The following DMBX1 variants were observed in gnomAD, a reference collection of about 807,000 sequenced individuals.
DMBX1 encodes diencephalon/mesencephalon homeobox protein 1.
DMBX1 carries 7 observed loss-of-function variants against 30.4 expected under a neutral mutation model. That is an observed-to-expected ratio of 0.23 (90% CI 0.13 to 0.43). The LOEUF (loss-of-function observed/expected upper bound fraction) is 0.43, where lower values mean the gene tolerates loss of function less well. DMBX1 is among the 20% of genes least tolerant of loss of function. DMBX1 has a pLI of 1.00. For synonymous variants in DMBX1, 222 were observed against 214.2 expected (o/e 1.04, Z -0.32); for missense variants, 460 against 508.5 (o/e 0.90, Z 0.92).
intron 2 of DMBX1, among the ~76,000 whole-genome samples, chr1:46,494,804 A>G (rs1665998528): frequency 6.6e-6 from 1 of 152,108 alleles, no homozygotes; most frequent in Admixed American, 6.5e-5. Context: ...GGGGGCCCTC[A>G]GTGGAGATGA....
Position 46,510,851 on chromosome 1 carries a change from G to A in DMBX1, c.334-84G>A, listed in dbSNP as rs145881278. On this transcript the variant is annotated intron_variant, in intron 4 of 5. Coordinates refer to ENST00000360032, the MANE Select transcript of DMBX1 (RefSeq NM_172225.2). The surrounding 1 kb of genome is among the most constrained non-coding windows in gnomAD (Gnocchi z 4.1). ...TAGAGGGGTGGGGGGATGTTATCAC[G>A]TACATCCTCTCCCAGAGCACCCTGC... The A allele has an allele frequency of 8.0e-3, 11,218 of 1,402,034 alleles. 94 individuals are homozygous for A. The highest frequency in any genetic ancestry group is 0.014 in the Middle Eastern group (71 of 4,912). 86.8% of individuals were successfully genotyped at this position (1,402,034 alleles called of 1,614,324 possible).
In DMBX1 at chr1:46,512,305, C is replaced by T; in HGVS notation, c.945C>T (p.Tyr315=). ...APLGSLHCQS[Y]YQSLSAAAAA... ...TGGGCTCACTGCACTGCCAGTCCTA[C>T]TACCAGTCCCTGTCAGCAGCCGCTG... The change falls in exon 6 of 6, where the codon TAC becomes TAT. Residue 315 remains tyrosine (Y), a synonymous_variant. Coordinates refer to ENST00000360032, the MANE Select transcript of DMBX1 (RefSeq NM_172225.2). The surrounding 1 kb of genome is among the most constrained non-coding windows in gnomAD (Gnocchi z 4.8). 1 of 1,613,672 alleles carries T rather than the reference C, an allele frequency of 6.2e-7. No homozygotes were observed. Among genetic ancestry groups the T allele is most frequent in the South Asian group, 1.1e-5 (1 of 91,086 alleles).
intron 2 of DMBX1, among the ~76,000 whole-genome samples, chr1:46,496,704 C>T (rs867739802): frequency 1.3e-5 from 2 of 152,166 alleles, no homozygotes; most frequent in African/African-American, 2.4e-5. Context: ...CTCCTTCACA[C>T]GTGGCTGGCC....
chr1:46,515,307 G>C lies in DMBX1; in HGVS notation c.*2813G>C, dbSNP rs920611551. Among the ~76,000 whole-genome samples the C allele has an allele frequency of 1.3e-5, 2 of 152,134 alleles. No homozygotes were observed. Among genetic ancestry groups the C allele is most frequent in the Admixed American group, 1.3e-4 (2 of 15,278 alleles). ...GATAGGTATGGGAAGCTTCCTAGCT[G>C]CTTTTAGGCTGAAGCTTTTTGTCAG... On this transcript the variant is annotated 3_prime_UTR_variant, in exon 6 of 6. Transcript: ENST00000360032.
At chr1:46,507,468 G>A (rs1462430373) in intron 3 of DMBX1, among the ~76,000 whole-genome samples, 2 of 152,186 alleles carry the variant, frequency 1.3e-5, no homozygotes, top group Non-Finnish European at 2.9e-5. Flanking sequence ...AGGTAGGAGG[G>A]TAAGGGACTA....
chr1:46,511,996 C>CA (rs1557791119), intron 5 of DMBX1, 47 bp from the exon 6 acceptor site: 1 of 1,562,650 alleles, frequency 6.4e-7, no homozygotes, highest in Admixed American at 1.8e-5. Context: ...CCTGGCAGAC[C>CA]AATGCCCTTG....
chr1:46,501,243 TTTCTTTCTTTCTTTCTTTCTTTCTTTCTC>T (rs1666126749), intron 2 of DMBX1, among the ~76,000 whole-genome samples: 1 of 135,036 alleles, frequency 7.4e-6, no homozygotes. Context: ...TCTTTCTTTC[TTTCTTTCTTTCTTTCTTTCTTTCTTTCTC>T]TTCTTTCTTT....
At chr1:46,490,312 C>T (rs533571696) in intron 1 of DMBX1, among the ~76,000 whole-genome samples, 5 of 152,178 alleles carry the variant, frequency 3.3e-5, no homozygotes, top group African/African-American at 1.2e-4. Flanking sequence ...GAGAACGCTT[C>T]GGATCCGTCA....
At position 46,515,255 on chromosome 1, in the gene DMBX1, G is replaced by T. The variant is rs1569904509; in HGVS notation, c.*2761G>T. On this transcript the variant is annotated 3_prime_UTR_variant, in exon 6 of 6. Transcript: ENST00000360032. ...TCTGGGATTAGCCCCAGGAAGTTCT[G>T]TTTCTAAAACAAAAAATAATCATCT... 6.6e-6 allele frequency among the ~76,000 whole-genome samples: 1 copy of T among 151,634 alleles called. No individual in the cohort carries two copies. The highest frequency in any genetic ancestry group is 1.5e-5 in the Non-Finnish European group (1 of 67,898).
chr1:46,512,237 G>T lies in DMBX1; in HGVS notation c.877G>T (p.Ala293Ser). 6.2e-7 allele frequency: 1 copy of T among 1,613,736 alleles called. No homozygotes were observed. Among genetic ancestry groups the T allele is most frequent in the Non-Finnish European group, 8.5e-7 (1 of 1,179,926 alleles). ...GGGTCCGGCCCCTGCTGCTGCAGCG[G>T]CGGCTGCTGCTGTGCCCTACCTGGG... ...VGGPAPAAAA[A>S]AAAVPYLGVN... The change falls in exon 6 of 6, where the codon GCG becomes TCG. Residue 293 changes from alanine to serine, a missense_variant. Ala to Ser is a moderately conservative substitution (Grantham distance 99). Coordinates refer to ENST00000360032, the MANE Select transcript of DMBX1 (RefSeq NM_172225.2). This position sits in a 1 kb window ranked among gnomAD's most constrained non-coding sequence, Gnocchi z 4.8.
intron 2 of DMBX1, among the ~76,000 whole-genome samples, chr1:46,500,805 T>C (rs1464909908): frequency 1.3e-5 from 2 of 152,198 alleles, no homozygotes; most frequent in Non-Finnish European, 2.9e-5. Context: ...TAAATTGCGG[T>C]GCTGTAGTCC....
chr1:46,512,280 T>G lies in DMBX1; in HGVS notation c.920T>G (p.Leu307Arg). ...VPYLGVNMAP[L>R]GSLHCQSYYQ... ...TACCTGGGCGTCAACATGGCCCCGC[T>G]GGGCTCACTGCACTGCCAGTCCTAC... The change falls in exon 6 of 6, where the codon CTG (leucine) becomes CGG (arginine). Residue 307 changes from leucine to arginine, a missense_variant. Around this residue, in one of 3 missense-constraint regions of DMBX1, gnomAD observed 334 missense variants for 345.1 expected, o/e 0.97. Coordinates refer to ENST00000360032, the MANE Select transcript of DMBX1 (RefSeq NM_172225.2). This position sits in a 1 kb window ranked among gnomAD's most constrained non-coding sequence, Gnocchi z 4.8. 1 of 1,613,540 alleles carries G rather than the reference T, an allele frequency of 6.2e-7. No homozygotes were observed. The highest frequency in any genetic ancestry group is 8.5e-7 in the Non-Finnish European group (1 of 1,179,864).
rs150752861 is a variant in DMBX1 at position 46,512,278 on chromosome 1, G to A, written c.918G>A (p.Pro306=). 1.5e-4 allele frequency: 237 copies of A among 1,613,300 alleles called. 1 individual carries two copies. In the African/African-American group the frequency reaches 1.7e-3, roughly 12 times the overall value. ...AVPYLGVNMA[P]LGSLHCQSYY... The stretch of plus-strand genomic sequence containing the variant: ...CCTACCTGGGCGTCAACATGGCCCC[G>A]CTGGGCTCACTGCACTGCCAGTCCT... The change falls in exon 6 of 6, where the codon CCG becomes CCA. Residue 306 remains proline (P), a synonymous_variant. Coordinates refer to ENST00000360032, the MANE Select transcript of DMBX1 (RefSeq NM_172225.2). The surrounding 1 kb of genome is among the most constrained non-coding windows in gnomAD (Gnocchi z 4.8).
chr1:46,505,528 C>T (rs1289475966), intron 2 of DMBX1, among the ~76,000 whole-genome samples: 7 of 148,274 alleles, frequency 4.7e-5, no homozygotes, highest in Non-Finnish European at 1.0e-4. Context: ...CATATTCTCA[C>T]TCATAGGTGG....
rs972701544 is a variant in DMBX1, at chr1:46,512,388, C to T, written c.1028C>T (p.Ala343Val). 2 of 1,614,056 alleles carry T rather than the reference C, an allele frequency of 1.2e-6. No individual in the cohort carries two copies. The highest frequency in any genetic ancestry group is 8.5e-7 in the Non-Finnish European group (1 of 1,180,014). Residue 343 changes from alanine to valine, a missense_variant, in exon 6 of 6, where the codon GCT becomes GTT. Coordinates refer to ENST00000360032, the MANE Select transcript of DMBX1 (RefSeq NM_172225.2). The surrounding 1 kb of genome is among the most constrained non-coding windows in gnomAD (Gnocchi z 4.8). ...PLLPAPPAGLAPASATLNSKT... is the reference protein window; with the variant it reads ...PLLPAPPAGLVPASATLNSKT... ...CTGCCTGCACCCCCAGCAGGCCTGG[C>T]TCCTGCATCAGCTACCCTGAACAGT... is the stretch of plus-strand genomic sequence containing the variant.
At position 46,502,625 on chromosome 1, in the gene DMBX1, G is replaced by A. The variant is rs185919199; in HGVS notation, c.-12-4374G>A. Reference sequence around the variant, plus strand: ...CCATAGGCCAGGTGTGGTGGTTCACGCCTGTAATTCCAGCACTTTGGGAGG... The same window carrying A: ...CCATAGGCCAGGTGTGGTGGTTCACACCTGTAATTCCAGCACTTTGGGAGG... On this transcript the variant is annotated intron_variant, in intron 2 of 5. Coordinates refer to ENST00000360032, the MANE Select transcript of DMBX1 (RefSeq NM_172225.2). Among the ~76,000 whole-genome samples the A allele has an allele frequency of 1.6e-3, 237 of 152,214 alleles. 3 individuals carry two copies. In the East Asian group the frequency reaches 0.016, roughly 10 times the overall value.
intron 2 of DMBX1, among the ~76,000 whole-genome samples, chr1:46,495,189 T>C (rs1240700487): frequency 6.6e-6 from 1 of 152,240 alleles, no homozygotes; most frequent in African/African-American, 2.4e-5. Flanking sequence ...TCCCCTAGAA[T>C]CTGAGCCCTT....
At chr1:46,497,816 G>A (rs1284302258) in intron 2 of DMBX1, among the ~76,000 whole-genome samples, 1 of 152,244 alleles carries the variant, frequency 6.6e-6, no homozygotes, top group African/African-American at 2.4e-5. Flanking sequence ...GAGATCCGCC[G>A]ATCTGCTTGC....
chr1:46,499,369 T>C (rs1212396067), intron 2 of DMBX1, among the ~76,000 whole-genome samples: 2 of 152,150 alleles, frequency 1.3e-5, no homozygotes, highest in Admixed American at 6.5e-5. Context: ...TCCTATTGCC[T>C]TGGACCAAAT....
Sources: gnomAD v4.1 joint callset for allele counts (sites outside exome capture counted in the v4.1 genomes callset) on GRCh38, gnomAD v4.1.1 for gene constraint, gnomAD v4.1.1 regional missense constraint, Gnocchi (gnomAD v3.1) non-coding constraint, MANE v1.5 for transcripts, NCBI Gene and HGNC (gene_info 2026-07-23, HGNC 2026-07-21) for gene names.